Variants in RELN observed in about 807,000 individuals in gnomAD.
RELN encodes reelin.
In RELN, 108 loss-of-function variants were observed where a neutral mutation model predicts 427.6. The ratio of observed to expected loss-of-function variants is 0.25; its 90% CI spans 0.22 to 0.30. The LOEUF is 0.30. RELN is among the 10% of genes least tolerant of loss of function. RELN has a pLI of 1.00. For synonymous variants in RELN, 1,524 were observed against 1,513.4 expected, an observed-to-expected ratio of 1.01 and a Z score of -0.16; for missense variants, 3,715 against 4,302.8, an observed-to-expected ratio of 0.86 and a Z score of 3.82.
chr7:103,774,377 G>A (rs1012452489), intron 4 of RELN, among the ~76,000 whole-genome samples: 1 of 151,390 alleles, frequency 6.6e-6, no homozygotes, highest in African/African-American at 2.4e-5. Context: ...AAGACATAAT[G>A]AGTACATTTT....
chr7:103,538,743 A>T (rs1830111243), intron 45 of RELN, among the ~76,000 whole-genome samples: 3 of 152,210 alleles, frequency 2.0e-5, no homozygotes, highest in Admixed American at 6.5e-5. Context: ...CTTACTGGAA[A>T]AATACTGCAA....
chr7:103,611,169 A>G (rs2117290223), intron 21 of RELN, among the ~76,000 whole-genome samples: 1 of 152,306 alleles, frequency 6.6e-6, no homozygotes, highest in East Asian at 1.9e-4. Flanking sequence ...TTGCAATGGC[A>G]GATTGCTAAG....
Position 103,639,784 on chromosome 7 carries a change from T to A in RELN, c.2069+759A>T, listed in dbSNP as rs184260315. ...TTAGCTAATTGATTAATTACTCTTTTTGTTGGAGGGACAAGAAAAAGTAGA... is the reference window on the plus strand; with the variant it reads ...TTAGCTAATTGATTAATTACTCTTTATGTTGGAGGGACAAGAAAAAGTAGA... On this transcript the variant is annotated intron_variant, in intron 17 of 64. Transcript: ENST00000428762. 2.0e-4 allele frequency among the ~76,000 whole-genome samples: 30 copies of A among 152,282 alleles called. 1 individual carries two copies. The highest frequency in any genetic ancestry group is 1.8e-3 in the Admixed American group (27 of 15,286).
chr7:103,749,850 A>C (rs890156659), intron 5 of RELN, among the ~76,000 whole-genome samples: 3 of 152,198 alleles, frequency 2.0e-5, no homozygotes, highest in South Asian at 2.1e-4. Flanking sequence ...GTCCCTACCC[A>C]AATTCCATCT....
chr7:103,611,644 G>A lies in RELN; in HGVS notation c.2862C>T (p.Thr954=), dbSNP rs1831960601. The A allele has an allele frequency of 1.1e-5, 18 of 1,613,630 alleles. No homozygotes were observed. The highest frequency in any genetic ancestry group is 1.5e-5 in the Non-Finnish European group (18 of 1,179,876). Residue 954 remains threonine (T), a synonymous_variant, in exon 21 of 65, where the codon ACC becomes ACT. Transcript: ENST00000428762. ...MDNQVKLEYS[T]NHGLTWHLVQ... ...CGAGGTGCCAGGTAAGGCCGTGGTT[G>A]GTTGAGTACTCCAGCTTCACCTGGT...
chr7:103,734,836 GA>G (rs974131338), intron 6 of RELN, among the ~76,000 whole-genome samples: 26 of 152,106 alleles, frequency 1.7e-4, no homozygotes, highest in Non-Finnish European at 2.9e-5. Context: ...CATTTATTTT[GA>G]AAATTTACAA....
At chr7:103,896,986 A>G (rs1794975375) in intron 2 of RELN, among the ~76,000 whole-genome samples, 1 of 152,070 alleles carries the variant, frequency 6.6e-6, no homozygotes, top group African/African-American at 2.4e-5. Flanking sequence ...GCAGAAGGTG[A>G]AGGAGGAGCA....
chr7:103,733,459 T>C (rs537785445), intron 6 of RELN, among the ~76,000 whole-genome samples: 39 of 134,816 alleles, frequency 2.9e-4, no homozygotes, highest in African/African-American at 1.0e-3. Flanking sequence ...CAAAGGACTA[T>C]AAATCATGCT....
At chr7:103,914,973 A>T (rs1379159074) in intron 2 of RELN, among the ~76,000 whole-genome samples, 1 of 152,150 alleles carries the variant, frequency 6.6e-6, no homozygotes, top group East Asian at 1.9e-4. Flanking sequence ...TCCTCAGCCT[A>T]AAACACTCAA....
intron 17 of RELN, among the ~76,000 whole-genome samples, chr7:103,639,970 A>G (rs930456699): frequency 2.0e-5 from 3 of 152,206 alleles, no homozygotes; most frequent in Non-Finnish European, 4.4e-5. Flanking sequence ...GGTGGTAATT[A>G]GATATTACAT....
At chr7:103,984,700 T>C (rs1035672299) in intron 1 of RELN, among the ~76,000 whole-genome samples, 11 of 152,174 alleles carry the variant, frequency 7.2e-5, no homozygotes, top group Non-Finnish European at 1.5e-4. Context: ...CATAGTCCTA[T>C]ATAAGCAGGA....
At chr7:103,836,583 C>G (rs1011922875) in intron 2 of RELN, among the ~76,000 whole-genome samples, 1 of 152,160 alleles carries the variant, frequency 6.6e-6, no homozygotes, top group East Asian at 1.9e-4. Flanking sequence ...TCTTGCCCAC[C>G]TTCTTGCACT....
intron 29 of RELN, among the ~76,000 whole-genome samples, chr7:103,575,269 T>C (rs1181415405): frequency 1.3e-5 from 2 of 152,214 alleles, no homozygotes. Context: ...ATGTCTGGCA[T>C]GAAGTAGGAC....
intron 58 of RELN, among the ~76,000 whole-genome samples, chr7:103,491,577 C>T (rs1448002623): frequency 6.6e-6 from 1 of 151,984 alleles, no homozygotes; most frequent in African/African-American, 2.4e-5. Flanking sequence ...GCCTGTAATT[C>T]CCAGCACTTT....
chr7:103,969,663 A>T lies in RELN; in HGVS notation c.226+19468T>A, dbSNP rs369755011. Among the ~76,000 whole-genome samples the T allele has an allele frequency of 1.6e-4, 25 of 152,344 alleles. No homozygotes were observed. In the East Asian group the frequency reaches 3.5e-3, roughly 21 times the overall value. On this transcript the variant is annotated intron_variant, in intron 1 of 64. Transcript: ENST00000428762. ...TTAAATGCAAAAACCAAACATTATT[A>T]AAGTACTAGGAGAAAGGATTATGAA...
intron 2 of RELN, among the ~76,000 whole-genome samples, chr7:103,886,308 AT>A (rs1423917808): frequency 3.3e-5 from 5 of 152,198 alleles, no homozygotes; most frequent in Non-Finnish European, 7.4e-5. Flanking sequence ...ATGGACAAAC[AT>A]TTTATGCCTG....
chr7:103,728,337 T>C (rs1483579787), intron 6 of RELN, 130 bp from the exon 7 acceptor site: 4 of 849,896 alleles, frequency 4.7e-6, no homozygotes, highest in South Asian at 2.8e-5. Flanking sequence ...AGTAGGAGTA[T>C]TTTGCATCAT....
chr7:103,927,513 T>A (rs912740569), intron 1 of RELN, among the ~76,000 whole-genome samples: 1 of 152,178 alleles, frequency 6.6e-6, no homozygotes, highest in African/African-American at 2.4e-5. Context: ...CAAATAAGGA[T>A]ATAACATAAA....
chr7:103,587,648 G>A (rs1406994509), intron 28 of RELN, among the ~76,000 whole-genome samples: 2 of 151,738 alleles, frequency 1.3e-5, no homozygotes, highest in Non-Finnish European at 2.9e-5. Context: ...CAATATAATA[G>A]GAATAGAGTA....
Sources: gnomAD v4.1 joint callset for allele counts (sites outside exome capture counted in the v4.1 genomes callset) on GRCh38, gnomAD v4.1.1 for gene constraint, MANE v1.5 for transcripts, NCBI Gene and HGNC (gene_info 2026-07-23, HGNC 2026-07-21) for gene names.